The following PLCXD3 variants were observed in gnomAD, a reference collection of about 807,000 sequenced individuals.
PLCXD3 encodes the protein PI-PLC X domain-containing protein 3.
In PLCXD3, 19 loss-of-function variants were observed where a neutral mutation model predicts 25.5. The ratio of observed to expected loss-of-function variants is 0.75; its 90% CI spans 0.52 to 1.09. The LOEUF is 1.09. Ranked by LOEUF, PLCXD3 falls within the 50% of genes least tolerant of loss-of-function variation. The pLI is 0.00. For missense variants in PLCXD3, 411 were observed against 388.1 expected (o/e 1.06, Z -0.50); for synonymous variants, 174 against 137.6 (o/e 1.26, Z -1.85).
At chr5:41,484,879 T>C (rs1164453997) in intron 1 of PLCXD3, among the ~76,000 whole-genome samples, 1 of 152,206 alleles carries the variant, frequency 6.6e-6, no homozygotes, top group Non-Finnish European at 1.5e-5. Context: ...TTCAGTTTCA[T>C]GTCCCACCTG....
chr5:41,470,753 G>A (rs920011571), intron 1 of PLCXD3, among the ~76,000 whole-genome samples: 1 of 152,042 alleles, frequency 6.6e-6, no homozygotes, highest in Non-Finnish European at 1.5e-5. Flanking sequence ...TTTCTGGGTA[G>A]TCCAAAGAAC....
intron 1 of PLCXD3, among the ~76,000 whole-genome samples, chr5:41,399,198 C>T (rs1746103031): frequency 6.6e-6 from 1 of 152,010 alleles, no homozygotes; most frequent in Admixed American, 6.6e-5. Flanking sequence ...TTGAAGAGGA[C>T]ACTAAAAAAT....
chr5:41,350,159 T>C (rs1320579529), intron 2 of PLCXD3, among the ~76,000 whole-genome samples: 1 of 152,134 alleles, frequency 6.6e-6, no homozygotes, highest in East Asian at 1.9e-4. Context: ...TTAAGCCCAG[T>C]TTAGGCTCTC....
In PLCXD3 at chr5:41,311,248, G is replaced by A. The variant is rs1743130616; in HGVS notation, c.*2369C>T. ...TTCAATAATCCTAATCATTTTAAAA[G>A]GATTCATATACATTTTCACATAAAG... On this transcript the variant is annotated 3_prime_UTR_variant, in exon 3 of 3. Transcript: ENST00000377801. 1 of 151,916 alleles carries A rather than the reference G, an allele frequency of 6.6e-6. No homozygotes were observed. Among genetic ancestry groups the A allele is most frequent in the South Asian group, 2.1e-4 (1 of 4,820 alleles). 9.4% of individuals were successfully genotyped at this position (151,916 alleles called of 1,614,324 possible). A position where few individuals can be genotyped will look rare whatever the true frequency, so the allele number is the denominator to read the frequency against.
At chr5:41,396,632 A>G (rs1746016165) in intron 1 of PLCXD3, among the ~76,000 whole-genome samples, 3 of 152,232 alleles carry the variant, frequency 2.0e-5, no homozygotes, top group Admixed American at 2.0e-4. Context: ...GTTTGGAGGC[A>G]TCAGAAGAAG....
chr5:41,484,270 CACT>C lies in PLCXD3; in HGVS notation c.103+26151_103+26153del, dbSNP rs1328245502. On this transcript the variant is annotated intron_variant, in intron 1 of 2. Coordinates refer to ENST00000377801, the MANE Select transcript of PLCXD3 (RefSeq NM_001005473.3). ...GCACACACACACACACACACACACACACTAACTGTATTCTAAAATATTTTTGCA... is the reference window on the plus strand; with the variant it reads ...GCACACACACACACACACACACACACAACTGTATTCTAAAATATTTTTGCA... Among the ~76,000 whole-genome samples, 303 of 64,752 alleles carry C rather than the reference CACT, an allele frequency of 4.7e-3. 1 individual carries two copies. The highest frequency in any genetic ancestry group is 0.03 in the African/African-American group (280 of 9,446). 42.5% of individuals were successfully genotyped at this position (64,752 alleles called of 152,430 possible).
rs114061427 is a variant in PLCXD3 at position 41,503,233 on chromosome 5, T to C, written c.103+7191A>G. On this transcript the variant is annotated intron_variant, in intron 1 of 2. Coordinates refer to ENST00000377801, the MANE Select transcript of PLCXD3 (RefSeq NM_001005473.3). ...AGGAAAGCATAGCAGGAAATTAATA[T>C]GACCATTTATCATAATCCACTTTGC... Among the ~76,000 whole-genome samples the C allele has an allele frequency of 7.3e-3, 1,106 of 152,302 alleles. 12 individuals are homozygous for C. The highest frequency in any genetic ancestry group is 0.025 in the African/African-American group (1,032 of 41,570).
intron 1 of PLCXD3, among the ~76,000 whole-genome samples, chr5:41,499,631 G>GA (rs1329689300): frequency 4.0e-5 from 6 of 151,634 alleles, no homozygotes; most frequent in African/African-American, 1.4e-4. Context: ...CACAGAAAGA[G>GA]AAAAAATAAT....
intron 2 of PLCXD3, among the ~76,000 whole-genome samples, chr5:41,369,850 T>C (rs569649741): frequency 1.3e-5 from 2 of 152,328 alleles, no homozygotes; most frequent in African/African-American, 4.8e-5. Context: ...AGCTAAATTA[T>C]ATAGGCAACA....
rs140369148 is a variant in PLCXD3 at position 41,426,979 on chromosome 5, G to A, written c.104-44445C>T. ...CTTTTCTGATCACTAATGATTTTGA[G>A]AATTCTGCTAATTGATTTTATTCTT... is the stretch of plus-strand genomic sequence containing the variant. On this transcript the variant is annotated intron_variant, in intron 1 of 2. Coordinates refer to ENST00000377801, the MANE Select transcript of PLCXD3 (RefSeq NM_001005473.3). Among the ~76,000 whole-genome samples the A allele has an allele frequency of 2.6e-3, 398 of 152,136 alleles. 2 individuals carry two copies. The highest frequency in any genetic ancestry group is 9.2e-3 in the African/African-American group (382 of 41,538).
intron 1 of PLCXD3, among the ~76,000 whole-genome samples, chr5:41,508,913 A>G (rs624733): frequency 0.14 from 21,491 of 152,238 alleles, 2,605 homozygotes; most frequent in African/African-American, 0.33. Context: ...AGGTAGCAGA[A>G]TAAGTGCTGC....
intron 1 of PLCXD3, among the ~76,000 whole-genome samples, chr5:41,383,660 A>G (rs1269608323): frequency 2.0e-5 from 3 of 151,990 alleles, no homozygotes; most frequent in Non-Finnish European, 1.5e-5. Context: ...ATCATTCCCT[A>G]TCTGATACTC....
At chr5:41,332,057 G>T (rs866540854) in intron 2 of PLCXD3, among the ~76,000 whole-genome samples, 1 of 151,928 alleles carries the variant, frequency 6.6e-6, no homozygotes, top group South Asian at 2.1e-4. Flanking sequence ...TCTAAAACAC[G>T]AAAAGCAATG....
intron 1 of PLCXD3, among the ~76,000 whole-genome samples, chr5:41,409,724 T>A (rs1746462158): frequency 6.6e-6 from 1 of 152,238 alleles, no homozygotes; most frequent in Non-Finnish European, 1.5e-5. Context: ...GCACTGCCAC[T>A]AGTACATGAA....
At position 41,351,325 on chromosome 5, in the gene PLCXD3, G is replaced by A. The variant is rs552539819; in HGVS notation, c.812+30501C>T. On this transcript the variant is annotated intron_variant, in intron 2 of 2. Transcript: ENST00000377801. Reference sequence around the variant, plus strand: ...GTGTGACTTTATTAGTATATCACACGAATGTCTCTTCCCATTGGAGTGTGA... The same window carrying A: ...GTGTGACTTTATTAGTATATCACACAAATGTCTCTTCCCATTGGAGTGTGA... Among the ~76,000 whole-genome samples the A allele has an allele frequency of 5.3e-5, 8 of 152,180 alleles. No individual in the cohort carries two copies. The South Asian group carries it at 6.2e-4, about 12-fold the overall frequency.
At chr5:41,428,117 C>A (rs1158676326) in intron 1 of PLCXD3, among the ~76,000 whole-genome samples, 1 of 152,140 alleles carries the variant, frequency 6.6e-6, no homozygotes, top group African/African-American at 2.4e-5. Context: ...TCTCTCTCCC[C>A]ACACCTTGTA....
Position 41,311,037 on chromosome 5 carries a change from G to T in PLCXD3, c.*2580C>A, listed in dbSNP as rs1364069379. 2 of 152,076 alleles carry T rather than the reference G, an allele frequency of 1.3e-5. No individual in the cohort carries two copies. The highest frequency in any genetic ancestry group is 2.9e-5 in the Non-Finnish European group (2 of 67,994). 9.4% of individuals were successfully genotyped at this position (152,076 alleles called of 1,614,324 possible). On this transcript the variant is annotated 3_prime_UTR_variant, in exon 3 of 3. Coordinates refer to ENST00000377801, the MANE Select transcript of PLCXD3 (RefSeq NM_001005473.3). The stretch of plus-strand genomic sequence containing the variant: ...ACTATGAGAAAGTATCTAGGTTCAA[G>T]AAAATACAACATAGTTACCTCTATA...
At position 41,510,404 on chromosome 5, in the gene PLCXD3, C is replaced by G. The variant is rs755469458; in HGVS notation, c.103+20G>C. 1.3e-6 allele frequency: 2 copies of G among 1,591,484 alleles called. No individual in the cohort carries two copies. The highest frequency in any genetic ancestry group is 1.7e-6 in the Non-Finnish European group (2 of 1,168,630). On this transcript the variant is annotated intron_variant, in intron 1 of 2. Coordinates refer to ENST00000377801, the MANE Select transcript of PLCXD3 (RefSeq NM_001005473.3). ...TGGAGCGGGCGCCGAGCGCCTAGCCCGCAGCCCCTGCGCGCCTACCTGGAA... is the reference window on the plus strand; with the variant it reads ...TGGAGCGGGCGCCGAGCGCCTAGCCGGCAGCCCCTGCGCGCCTACCTGGAA...
rs1580288537 is a variant in PLCXD3 at position 41,309,070 on chromosome 5, C to A, written c.*4547G>T. On this transcript the variant is annotated 3_prime_UTR_variant, in exon 3 of 3. Transcript: ENST00000377801. Reference sequence around the variant, plus strand: ...TAAATTAAGGCTGGTCACAATGTGCCCTTTTTCTTTAGGATAAGTTTGATT... The same window carrying A: ...TAAATTAAGGCTGGTCACAATGTGCACTTTTTCTTTAGGATAAGTTTGATT... The A allele has an allele frequency of 2.0e-5, 3 of 152,470 alleles. No homozygotes were observed. The South Asian group carries it at 6.2e-4, about 32-fold the overall frequency. 9.4% of individuals were successfully genotyped at this position (152,470 alleles called of 1,614,324 possible).
Sources: allele counts gnomAD v4.1 joint callset (sites outside exome capture counted in the v4.1 genomes callset), GRCh38; gene constraint gnomAD v4.1.1; transcripts MANE v1.5; gene names NCBI Gene and HGNC (gene_info 2026-07-23, HGNC 2026-07-21).